SOX5: variants seen among roughly 807,000 people sequenced by gnomAD.
The protein encoded by SOX5 is SRY-box transcription factor 5.
Under a neutral mutation model 92.0 loss-of-function variants are expected in SOX5, and 9 were observed. The observed-to-expected ratio is 0.10, with a 90% CI of 0.06 to 0.17. The LOEUF is 0.17. SOX5 is among the 10% of genes least tolerant of loss of function. SOX5 has a pLI of 1.00. For synonymous variants in SOX5, 344 were observed against 336.3 expected (o/e 1.02, Z -0.25); for missense variants, 642 against 944.5 (o/e 0.68, Z 4.20).
chr12:24,342,635 C>A (rs149418003), intron 2 of SOX5, among the ~76,000 whole-genome samples: 31 of 152,172 alleles, frequency 2.0e-4, no homozygotes, highest in African/African-American at 7.0e-4. Context: ...TTATCTATTC[C>A]TCCTGCCATT....
chr12:24,205,174 G>A (rs1017856042), intron 4 of SOX5, among the ~76,000 whole-genome samples: 1 of 152,150 alleles, frequency 6.6e-6, no homozygotes, highest in African/African-American at 2.4e-5. Flanking sequence ...GTGGCATACA[G>A]TACTTAAGTT....
intron 2 of SOX5, among the ~76,000 whole-genome samples, chr12:24,351,290 C>G (rs188468828): frequency 1.7e-3 from 265 of 152,244 alleles, no homozygotes; most frequent in African/African-American, 6.0e-3. Flanking sequence ...ATCATCTGTA[C>G]CCCCATCTCT....
intron 3 of SOX5, among the ~76,000 whole-genome samples, chr12:23,759,010 AAC>A (rs761303900): frequency 0.011 from 1,210 of 107,960 alleles, 13 homozygotes; most frequent in African/African-American, 0.034. Context: ...GGCAACACAA[AAC>A]ACACACACAC....
chr12:24,367,117 C>G (rs1353373839), intron 2 of SOX5, among the ~76,000 whole-genome samples: 1 of 152,098 alleles, frequency 6.6e-6, no homozygotes, highest in Non-Finnish European at 1.5e-5. Context: ...ATTCTGATCT[C>G]AATTACAACC....
chr12:23,563,237 T>C (rs772900999), intron 11 of SOX5, 21 bp downstream of exon 11: 3 of 1,574,886 alleles, frequency 1.9e-6, no homozygotes, highest in Non-Finnish European at 8.6e-7. Context: ...TTCTAGAAAG[T>C]AAGTTATTTT....
At position 23,800,707 on chromosome 12, in the gene SOX5, C is replaced by T. The variant is rs2095645191; in HGVS notation, c.482-44983G>A. On this transcript the variant is annotated intron_variant, in intron 3 of 14. Coordinates refer to ENST00000451604, the MANE Select transcript of SOX5 (RefSeq NM_006940.6). ...AAGTACTACATTTGGGGGAAAAGAG[C>T]CTTGCAGCTGCTCACATGGAAAACT... Among the ~76,000 whole-genome samples the T allele has an allele frequency of 2.0e-5, 3 of 152,052 alleles. No individual in the cohort carries two copies. The South Asian group carries it at 6.2e-4, about 32-fold the overall frequency.
At chr12:23,668,090 G>C (rs574393433) in intron 6 of SOX5, among the ~76,000 whole-genome samples, 33 of 152,292 alleles carry the variant, frequency 2.2e-4, no homozygotes, top group Admixed American at 4.6e-4. Flanking sequence ...GTGCTGTCTA[G>C]TGTTTATGAG....
intron 4 of SOX5, among the ~76,000 whole-genome samples, chr12:23,974,837 AAATT>A (rs1948736713): frequency 6.6e-6 from 1 of 152,212 alleles, no homozygotes; most frequent in Non-Finnish European, 1.5e-5. Context: ...GAATTAGAAT[AAATT>A]AATAAAAGAA....
At chr12:24,013,348 T>A (rs1039456175) in intron 4 of SOX5, among the ~76,000 whole-genome samples, 4 of 152,148 alleles carry the variant, frequency 2.6e-5, no homozygotes, top group Admixed American at 2.0e-4. Flanking sequence ...AAAAAAGAGG[T>A]ATTGAGAACA....
chr12:24,206,069 T>C (rs1189766766), intron 4 of SOX5, among the ~76,000 whole-genome samples: 2 of 152,182 alleles, frequency 1.3e-5, no homozygotes, highest in East Asian at 1.9e-4. Flanking sequence ...ATGCACATGA[T>C]ACCTGGGTCC....
chr12:24,213,314 C>G (rs1355282241), intron 4 of SOX5: 1 of 150,204 alleles, frequency 6.7e-6, no homozygotes, highest in Non-Finnish European at 1.5e-5. Context: ...AAAAGAATGA[C>G]CAGCAAATGG....
chr12:23,914,517 A>T lies in SOX5; in HGVS notation c.39-18493T>A, dbSNP rs534407470. On this transcript the variant is annotated intron_variant, in intron 1 of 14. Coordinates refer to ENST00000451604, the MANE Select transcript of SOX5 (RefSeq NM_006940.6). ...TTTCCTTAAAAATAATTTCATCTCT[A>T]TCACGGCAGAGGAGAAAGAAGTGAA... Among the ~76,000 whole-genome samples the T allele has an allele frequency of 8.5e-5, 13 of 152,276 alleles. No homozygotes were observed. In the South Asian group the frequency reaches 2.7e-3, roughly 32 times the overall value.
chr12:23,744,083 C>G (rs1403738024), intron 4 of SOX5, among the ~76,000 whole-genome samples: 1 of 152,164 alleles, frequency 6.6e-6, no homozygotes, highest in Admixed American at 6.5e-5. Flanking sequence ...TCTCACATGA[C>G]TTCCTAGACA....
At chr12:23,681,428 G>C (rs1214868482) in intron 6 of SOX5, among the ~76,000 whole-genome samples, 5 of 151,776 alleles carry the variant, frequency 3.3e-5, no homozygotes, top group Non-Finnish European at 7.4e-5. Context: ...TATAAGTGGA[G>C]TAAGCTCATC....
intron 4 of SOX5, among the ~76,000 whole-genome samples, chr12:24,149,912 C>T (rs1432750105): frequency 2.6e-5 from 4 of 151,868 alleles, no homozygotes; most frequent in Middle Eastern, 3.4e-3. Flanking sequence ...CAGATGCCTC[C>T]GTCACAAAAA....
chr12:23,572,754 G>T (rs1948569110), intron 10 of SOX5, among the ~76,000 whole-genome samples: 1 of 152,162 alleles, frequency 6.6e-6, no homozygotes, highest in East Asian at 1.9e-4. Context: ...CATAGTACAT[G>T]AAAGTAAATC....
chr12:24,111,482 T>C (rs1442029890), intron 4 of SOX5, among the ~76,000 whole-genome samples: 1 of 152,196 alleles, frequency 6.6e-6, no homozygotes, highest in Non-Finnish European at 1.5e-5. Context: ...GTATTGGTTA[T>C]TTCAATACCT....
intron 1 of SOX5, among the ~76,000 whole-genome samples, chr12:23,924,313 T>G (rs572814772): frequency 6.6e-6 from 1 of 152,320 alleles, no homozygotes; most frequent in South Asian, 2.1e-4. Context: ...GTAGCTACTG[T>G]TGTAGCAATT....
At chr12:24,534,181 C>A (rs763432493) in intron 1 of SOX5, among the ~76,000 whole-genome samples, 14 of 152,020 alleles carry the variant, frequency 9.2e-5, no homozygotes, top group Non-Finnish European at 1.9e-4. Context: ...ACTCCACTTG[C>A]AGTTTTTGAA....
Sources: gnomAD v4.1 joint callset for allele counts (sites outside exome capture counted in the v4.1 genomes callset) on GRCh38, gnomAD v4.1.1 for gene constraint, MANE v1.5 for transcripts, NCBI Gene and HGNC (gene_info 2026-07-23, HGNC 2026-07-21) for gene names.